PDE10A: variants seen among roughly 807,000 people sequenced by gnomAD.
PDE10A encodes cAMP and cAMP-inhibited cGMP 3',5'-cyclic phosphodiesterase 10A.
Under a neutral mutation model 97.7 loss-of-function variants are expected in PDE10A, and 39 were observed. That is an observed-to-expected ratio of 0.40 (90% CI 0.31 to 0.52). The LOEUF is 0.52. Among genes scored for constraint, PDE10A ranks in the 20% least tolerant of loss-of-function variants. PDE10A has a pLI of 0.56. For synonymous variants in PDE10A, 371 were observed against 376.8 expected (o/e 0.98, Z 0.18); for missense variants, 731 against 1,047.8 (o/e 0.70, Z 4.17).
intron 1 of PDE10A, among the ~76,000 whole-genome samples, chr6:165,767,476 C>T (rs1223297917): frequency 6.6e-6 from 1 of 152,210 alleles, no homozygotes; most frequent in Non-Finnish European, 1.5e-5. Flanking sequence ...AACCACTAGC[C>T]TCCTTTCTGT....
chr6:165,978,428 T>C (rs952634534), intron 1 of PDE10A, among the ~76,000 whole-genome samples: 1 of 152,250 alleles, frequency 6.6e-6, no homozygotes. Context: ...GCAGAAATTT[T>C]CTTAACCAAG....
intron 3 of PDE10A, among the ~76,000 whole-genome samples, chr6:165,478,043 T>A (rs1351886248): frequency 2.0e-5 from 3 of 152,178 alleles, no homozygotes; most frequent in Non-Finnish European, 4.4e-5. Flanking sequence ...ACATCATTTA[T>A]ACACCACGAA....
At chr6:165,770,119 C>T (rs929480842) in intron 1 of PDE10A, among the ~76,000 whole-genome samples, 2 of 137,634 alleles carry the variant, frequency 1.5e-5, no homozygotes, top group Non-Finnish European at 3.1e-5. Flanking sequence ...GCAAATATTA[C>T]CAAATGAAAA....
chr6:165,666,384 G>A (rs1005214078), upstream of PDE10A, among the ~76,000 whole-genome samples: 5 of 152,020 alleles, frequency 3.3e-5, no homozygotes, highest in Admixed American at 2.0e-4. Flanking sequence ...TCCCTTTACC[G>A]TGATTTTAAT....
intron 1 of PDE10A, among the ~76,000 whole-genome samples, chr6:165,831,407 G>A (rs1157515285): frequency 7.7e-5 from 11 of 143,096 alleles, no homozygotes; most frequent in African/African-American, 2.8e-4. Context: ...GGATTGCCCA[G>A]GATAAGAATT....
chr6:165,521,066 G>A (rs1782099859), intron 2 of PDE10A, among the ~76,000 whole-genome samples: 1 of 152,138 alleles, frequency 6.6e-6, no homozygotes, highest in Admixed American at 6.6e-5. Flanking sequence ...CTCACTTGGT[G>A]TCTGTGTGTC....
In PDE10A at chr6:165,923,110, G is replaced by A. The variant is rs993615109; in HGVS notation, c.-615+64419C>T. Among the ~76,000 whole-genome samples the A allele has an allele frequency of 3.9e-5, 6 of 152,218 alleles. No individual in the cohort carries two copies. The East Asian group carries it at 5.8e-4, about 15-fold the overall frequency. ...AAACCAAGATGCTTTGCTAAAGCTT[G>A]GTGAGATGGGAGCAGAGATGAACAA... On this transcript the variant is annotated intron_variant, in intron 1 of 19. Coordinates refer to the PDE10A transcript ENST00000366882.
At chr6:165,776,214 C>T (rs1005534958) in intron 1 of PDE10A, among the ~76,000 whole-genome samples, 1 of 152,186 alleles carries the variant, frequency 6.6e-6, no homozygotes, top group African/African-American at 2.4e-5. Flanking sequence ...AATCAAGCAG[C>T]TGTTCCTTAT....
At chr6:165,733,863 G>T (rs915307389) in intron 1 of PDE10A, among the ~76,000 whole-genome samples, 1 of 108,986 alleles carries the variant, frequency 9.2e-6, no homozygotes, top group African/African-American at 4.3e-5. Context: ...GTGACAATCT[G>T]GTCTAGGAAG....
At chr6:165,574,445 G>A (rs772486444) in intron 1 of PDE10A, among the ~76,000 whole-genome samples, 2 of 152,150 alleles carry the variant, frequency 1.3e-5, no homozygotes, top group Non-Finnish European at 2.9e-5. Flanking sequence ...CACACCACTG[G>A]AGCCAGGATT....
rs987373579 is a variant in PDE10A, at chr6:165,390,615, C to T, written c.2454+2031G>A. Among the ~76,000 whole-genome samples the T allele has an allele frequency of 3.3e-5, 5 of 151,916 alleles. No homozygotes were observed. In the East Asian group the frequency reaches 5.8e-4, roughly 18 times the overall value. On this transcript the variant is annotated intron_variant, in intron 16 of 21. Transcript: ENST00000539869. ...GGCAGTGTTCTCCAAGAGGTGGAGG[C>T]GACAGATACAATAAAGCAGAAGGGT...
chr6:165,741,596 G>A (rs554204505), intron 1 of PDE10A, among the ~76,000 whole-genome samples: 1 of 152,200 alleles, frequency 6.6e-6, no homozygotes, highest in Admixed American at 6.5e-5. Context: ...CTCCATGAAT[G>A]ATGTTTTTTA....
chr6:165,676,269 C>T (rs894681516), intron 1 of PDE10A, among the ~76,000 whole-genome samples: 4 of 152,102 alleles, frequency 2.6e-5, no homozygotes, highest in Admixed American at 6.5e-5. Flanking sequence ...AGAAAATTGC[C>T]GATTGGGTAC....
chr6:165,986,982 G>A (rs545120727), intron 1 of PDE10A, among the ~76,000 whole-genome samples: 5 of 152,146 alleles, frequency 3.3e-5, no homozygotes, highest in African/African-American at 1.2e-4. Context: ...GAGGTGGGGG[G>A]AGAGAAGAGA....
chr6:165,753,519 A>G lies in PDE10A; in HGVS notation c.-614-209951T>C, dbSNP rs1025938941. 3.9e-5 allele frequency among the ~76,000 whole-genome samples: 6 copies of G among 152,188 alleles called. 1 individual carries two copies. The South Asian group carries it at 1.2e-3, about 31-fold the overall frequency. ...TGACTAGCCTTCCCTTTTTTCCCTA[A>G]GTCAGAATTTTAATTTTATTTTAAA... On this transcript the variant is annotated intron_variant, in intron 1 of 19. Transcript: ENST00000366882.
intron 1 of PDE10A, among the ~76,000 whole-genome samples, chr6:165,928,335 A>G (rs1438962547): frequency 6.6e-6 from 1 of 152,168 alleles, no homozygotes; most frequent in African/African-American, 2.4e-5. Context: ...GGATGAGAAT[A>G]AAAGGGGGTT....
chr6:165,770,406 C>T (rs762324375), intron 1 of PDE10A, among the ~76,000 whole-genome samples: 2 of 152,210 alleles, frequency 1.3e-5, no homozygotes, highest in Admixed American at 6.5e-5. Flanking sequence ...TCCCTCCTGA[C>T]TTCCAACCTC....
chr6:165,746,989 T>A (rs1792858271), intron 1 of PDE10A, among the ~76,000 whole-genome samples: 1 of 152,222 alleles, frequency 6.6e-6, no homozygotes, highest in African/African-American at 2.4e-5. Context: ...AAATGTTAAA[T>A]GCAAAAAGTT....
intron 1 of PDE10A, among the ~76,000 whole-genome samples, chr6:165,881,296 A>G (rs1218112432): frequency 6.6e-6 from 1 of 152,184 alleles, no homozygotes; most frequent in Non-Finnish European, 1.5e-5. Context: ...CCTTTGAGAC[A>G]GTAAAACACT....
Sources: allele counts gnomAD v4.1 joint callset (sites outside exome capture counted in the v4.1 genomes callset), GRCh38; gene constraint gnomAD v4.1.1; transcripts MANE v1.5; gene names NCBI Gene and HGNC (gene_info 2026-07-23, HGNC 2026-07-21).